Variants in ARB2A observed in about 807,000 individuals in gnomAD.
ARB2A encodes cotranscriptional regulator ARB2A.
chr5:93,857,918 G>A, the ARB2A span, among the ~76,000 whole-genome samples: 10 of 152,162 alleles, frequency 6.6e-5, no homozygotes, highest in Admixed American at 1.3e-4. Flanking sequence ...GTTCCTATTC[G>A]GCCATCTTGG....
chr5:94,020,751 A>G, the ARB2A span, among the ~76,000 whole-genome samples: 1 of 152,238 alleles, frequency 6.6e-6, no homozygotes, highest in African/African-American at 2.4e-5. Context: ...TGTCTGAACT[A>G]CAAAAAGCCA....
chr5:93,972,610 T>G, the ARB2A span, among the ~76,000 whole-genome samples: 1 of 151,958 alleles, frequency 6.6e-6, no homozygotes, highest in Non-Finnish European at 1.5e-5. Context: ...CTAACCAGAA[T>G]AAAAATTCTG....
the ARB2A span, among the ~76,000 whole-genome samples, chr5:94,031,402 G>A: frequency 6.6e-6 from 1 of 152,132 alleles, no homozygotes; most frequent in Non-Finnish European, 1.5e-5. Context: ...CAAACAACCT[G>A]GCTATACTGT....
the ARB2A span, chr5:93,781,929 G>C: frequency 4.1e-6 from 4 of 985,038 alleles, no homozygotes; most frequent in African/African-American, 3.5e-5. Flanking sequence ...GTTTCTCTTC[G>C]TTATTTCAAG....
chr5:93,849,040 C>T, the ARB2A span, among the ~76,000 whole-genome samples: 3 of 152,150 alleles, frequency 2.0e-5, no homozygotes, highest in Non-Finnish European at 2.9e-5. Flanking sequence ...AACAGAAGCA[C>T]ATTTGTTACA....
At chr5:94,085,779 C>A in the ARB2A span, among the ~76,000 whole-genome samples, 2 of 152,096 alleles carry the variant, frequency 1.3e-5, no homozygotes, top group Non-Finnish European at 2.9e-5. Flanking sequence ...ATTAACAGGG[C>A]AAAGATGAGT....
chr5:93,707,299 T>C, the ARB2A span, among the ~76,000 whole-genome samples: 1 of 152,186 alleles, frequency 6.6e-6, no homozygotes, highest in Admixed American at 6.5e-5. Flanking sequence ...AGCCAGGTTT[T>C]CTCGCCTACA....
chr5:93,617,830 A>G, the ARB2A span, among the ~76,000 whole-genome samples: 8 of 152,158 alleles, frequency 5.3e-5, no homozygotes, highest in Non-Finnish European at 1.2e-4. Flanking sequence ...GATATTTTAG[A>G]TATTAAAAAC....
the ARB2A span, among the ~76,000 whole-genome samples, chr5:93,954,232 G>C: frequency 6.6e-6 from 1 of 152,072 alleles, no homozygotes; most frequent in Non-Finnish European, 1.5e-5. Flanking sequence ...GGAATGTACT[G>C]GCTCTCACCT....
the ARB2A span, among the ~76,000 whole-genome samples, chr5:93,891,242 A>G: frequency 6.6e-6 from 1 of 152,138 alleles, no homozygotes; most frequent in African/African-American, 2.4e-5. Flanking sequence ...AAGAAAATCT[A>G]CAAGTAATCT....
At chr5:93,931,570 A>T in the ARB2A span, among the ~76,000 whole-genome samples, 1 of 152,194 alleles carries the variant, frequency 6.6e-6, no homozygotes, top group Non-Finnish European at 1.5e-5. Flanking sequence ...CAAATATACT[A>T]ATTGCCATGT....
the ARB2A span, among the ~76,000 whole-genome samples, chr5:93,640,264 C>T: frequency 2.0e-5 from 3 of 149,734 alleles, no homozygotes; most frequent in East Asian, 2.0e-4. Context: ...GCCTGGCCAA[C>T]GTGGTGAAAC....
chr5:93,759,556 G>T, the ARB2A span, among the ~76,000 whole-genome samples: 1 of 152,144 alleles, frequency 6.6e-6, no homozygotes, highest in South Asian at 2.1e-4. Context: ...CCATGATCAC[G>T]TGGGTTTCAT....
the ARB2A span, among the ~76,000 whole-genome samples, chr5:93,838,582 T>C: frequency 6.6e-6 from 1 of 152,076 alleles, no homozygotes; most frequent in African/African-American, 2.4e-5. Context: ...CTGTGAAGAA[T>C]CTCATTGGTC....
the ARB2A span, among the ~76,000 whole-genome samples, chr5:93,890,173 T>A: frequency 6.6e-6 from 1 of 151,808 alleles, no homozygotes; most frequent in East Asian, 1.9e-4. Flanking sequence ...AGGAAAAAAA[T>A]CTCCCCAACT....
At chr5:93,724,456 T>G in the ARB2A span, among the ~76,000 whole-genome samples, 25 of 152,044 alleles carry the variant, frequency 1.6e-4, no homozygotes, top group African/African-American at 6.0e-4. Context: ...TTATATCATT[T>G]CAAAAGAAAA....
chr5:93,733,665 C>A, the ARB2A span: 1 of 152,154 alleles, frequency 6.6e-6, no homozygotes, highest in Non-Finnish European at 1.5e-5. Flanking sequence ...TTGCCCATAA[C>A]CACCACCACC....
the ARB2A span, among the ~76,000 whole-genome samples, chr5:93,903,183 T>C: frequency 6.6e-6 from 1 of 152,078 alleles, no homozygotes; most frequent in Non-Finnish European, 1.5e-5. Flanking sequence ...ATTTGGACAT[T>C]TGAGTAATTT....
At chr5:93,624,319 G>GTC in the ARB2A span, among the ~76,000 whole-genome samples, 1 of 152,092 alleles carries the variant, frequency 6.6e-6, no homozygotes, top group Non-Finnish European at 1.5e-5. Context: ...TATGGTTAAG[G>GTC]TCTAGTCTTT....
Sources: gnomAD v4.1 joint callset for allele counts (sites outside exome capture counted in the v4.1 genomes callset) on GRCh38, gnomAD v4.1.1 for gene constraint, MANE v1.5 for transcripts, NCBI Gene and HGNC (gene_info 2026-07-23, HGNC 2026-07-21) for gene names.